LTBP1: variants seen among roughly 807,000 people sequenced by gnomAD.
LTBP1 encodes latent-transforming growth factor beta-binding protein 1.
In LTBP1, 129 loss-of-function variants were observed where a neutral mutation model predicts 207.6. The observed-to-expected ratio is 0.62, with a 90% CI of 0.54 to 0.72. The LOEUF (loss-of-function observed/expected upper bound fraction) is 0.72. Among genes scored for constraint, LTBP1 ranks in the 30% least tolerant of loss-of-function variants. LTBP1 has a pLI of 0.00. For synonymous variants in LTBP1, 963 were observed against 833.7 expected (o/e 1.16, Z -2.67); for missense variants, 2,281 against 2,217.2 (o/e 1.03, Z -0.58).
intron 26 of LTBP1, among the ~76,000 whole-genome samples, chr2:33,347,854 A>G (rs2094725025): frequency 6.6e-6 from 1 of 152,258 alleles, no homozygotes; most frequent in Non-Finnish European, 1.5e-5. Context: ...ATTAAGTTGC[A>G]TAATCCTCCA....
At chr2:33,028,890 C>G (rs1465945224) in intron 3 of LTBP1, among the ~76,000 whole-genome samples, 2 of 152,116 alleles carry the variant, frequency 1.3e-5, no homozygotes, top group Admixed American at 6.5e-5. Context: ...CCCAGGCAGC[C>G]AGCCTCTTGG....
chr2:33,324,626 T>C (rs2094402374), intron 24 of LTBP1, among the ~76,000 whole-genome samples: 1 of 151,964 alleles, frequency 6.6e-6, no homozygotes, highest in Non-Finnish European at 1.5e-5. Context: ...GCAGATTAAA[T>C]ACATACTTGT....
chr2:33,175,467 C>G (rs1361791966), intron 5 of LTBP1, among the ~76,000 whole-genome samples: 1 of 152,010 alleles, frequency 6.6e-6, no homozygotes, highest in African/African-American at 2.4e-5. Flanking sequence ...CCATCTCACA[C>G]CAGTTAGAAT....
At chr2:33,020,619 G>A (rs139700858) in intron 2 of LTBP1, among the ~76,000 whole-genome samples, 2 of 152,128 alleles carry the variant, frequency 1.3e-5, no homozygotes, top group African/African-American at 4.8e-5. Context: ...CTTAATCTCT[G>A]TTTCTGTTTT....
At chr2:33,196,972 A>G (rs1233782777) in intron 7 of LTBP1, among the ~76,000 whole-genome samples, 1 of 152,224 alleles carries the variant, frequency 6.6e-6, no homozygotes, top group Non-Finnish European at 1.5e-5. Context: ...TAATGGAGTT[A>G]AAGGTTTCTG....
intron 25 of LTBP1, among the ~76,000 whole-genome samples, chr2:33,344,086 T>G (rs552184052): frequency 6.6e-6 from 1 of 152,350 alleles, no homozygotes; most frequent in African/African-American, 2.4e-5. Context: ...AACAAGATTT[T>G]TAAGGTTTAA....
intron 7 of LTBP1, among the ~76,000 whole-genome samples, chr2:33,212,639 G>C (rs2090397897): frequency 6.6e-6 from 1 of 152,140 alleles, no homozygotes; most frequent in South Asian, 2.1e-4. Context: ...CACTGTTAAG[G>C]AGCATTAACT....
chr2:33,322,933 A>G (rs2094377076), intron 24 of LTBP1, among the ~76,000 whole-genome samples: 2 of 151,518 alleles, frequency 1.3e-5, no homozygotes, highest in Admixed American at 1.3e-4. Context: ...CTACTTCTTT[A>G]CCTTGTTTAT....
chr2:33,368,869 C>T (rs2095032430), intron 31 of LTBP1, among the ~76,000 whole-genome samples: 1 of 151,796 alleles, frequency 6.6e-6, no homozygotes, highest in South Asian at 2.1e-4. Context: ...AGAGCCAGAC[C>T]CTGTCTCAAA....
At chr2:33,021,574 AAAAG>A (rs1217208666) in intron 3 of LTBP1, among the ~76,000 whole-genome samples, 3 of 152,214 alleles carry the variant, frequency 2.0e-5, no homozygotes, top group Non-Finnish European at 4.4e-5. Context: ...ATAATTTAAA[AAAAG>A]AAACAGTGTT....
At chr2:33,156,644 C>G (rs1012495898) in intron 5 of LTBP1, among the ~76,000 whole-genome samples, 7 of 152,072 alleles carry the variant, frequency 4.6e-5, no homozygotes, top group Admixed American at 2.6e-4. Context: ...GCTTGCTTAC[C>G]ATACTTCATA....
chr2:33,042,400 C>CT (rs2076233993), intron 3 of LTBP1, among the ~76,000 whole-genome samples: 1 of 152,106 alleles, frequency 6.6e-6, no homozygotes, highest in South Asian at 2.1e-4. Context: ...TTTTTCTGTG[C>CT]TTTTCCTCAG....
chr2:33,080,153 A>G (rs2078312398), intron 3 of LTBP1, among the ~76,000 whole-genome samples: 1 of 152,116 alleles, frequency 6.6e-6, no homozygotes, highest in African/African-American at 2.4e-5. Flanking sequence ...CAGCCTCTTG[A>G]GTAGCTGGGC....
At chr2:33,196,352 A>G (rs886640916) in intron 7 of LTBP1, among the ~76,000 whole-genome samples, 1 of 152,242 alleles carries the variant, frequency 6.6e-6, no homozygotes, top group Non-Finnish European at 1.5e-5. Flanking sequence ...TAAATAGAAT[A>G]GTATATTTTA....
chr2:33,099,942 G>A (rs1382249767), intron 3 of LTBP1, among the ~76,000 whole-genome samples: 6 of 152,180 alleles, frequency 3.9e-5, no homozygotes, highest in Admixed American at 2.0e-4. Flanking sequence ...ATTAGCATCC[G>A]AAACCAAAAT....
chr2:33,155,301 C>T (rs954287840), intron 5 of LTBP1, among the ~76,000 whole-genome samples: 11 of 152,100 alleles, frequency 7.2e-5, no homozygotes, highest in African/African-American at 2.7e-4. Context: ...CCCGACCGAC[C>T]TCATGATCTG....
At chr2:33,225,366 G>A (rs1008503121) in intron 9 of LTBP1, among the ~76,000 whole-genome samples, 2 of 152,132 alleles carry the variant, frequency 1.3e-5, no homozygotes, top group African/African-American at 2.4e-5. Flanking sequence ...TGCTGAAAAA[G>A]ACATACCCGA....
chr2:33,219,442 A>G (rs1164941958), intron 8 of LTBP1, among the ~76,000 whole-genome samples: 1 of 152,224 alleles, frequency 6.6e-6, no homozygotes, highest in Non-Finnish European at 1.5e-5. Context: ...GAAGTTAGGT[A>G]GCCCTGAGTT....
intron 3 of LTBP1, among the ~76,000 whole-genome samples, chr2:33,100,476 CT>C (rs1007676476): frequency 2.3e-4 from 34 of 145,910 alleles, no homozygotes; most frequent in East Asian, 6.0e-4. Context: ...TGGTACCTGA[CT>C]TTTTTTTTTT....
Sources: allele counts gnomAD v4.1 joint callset (sites outside exome capture counted in the v4.1 genomes callset), GRCh38; gene constraint gnomAD v4.1.1; transcripts MANE v1.5; gene names NCBI Gene and HGNC (gene_info 2026-07-23, HGNC 2026-07-21).